The following RALGPS1 variants were observed in gnomAD, a reference collection of about 807,000 sequenced individuals.
RALGPS1 encodes the protein Ral GEF with PH domain and SH3 binding motif 1, also known as ras-specific guanine nucleotide-releasing factor RalGPS1.
In RALGPS1, 19 loss-of-function variants were observed where a neutral mutation model predicts 78.8. That is an observed-to-expected ratio of 0.24 (90% CI 0.17 to 0.35). The LOEUF (loss-of-function observed/expected upper bound fraction) is 0.35, where lower values mean the gene tolerates loss of function less well. Ranked by LOEUF, RALGPS1 falls within the 10% of genes least tolerant of loss-of-function variation. The pLI is 1.00. For synonymous variants in RALGPS1, 228 were observed against 256.3 expected (o/e 0.89, Z 1.06); for missense variants, 454 against 688.3 (o/e 0.66, Z 3.81).
intron 5 of RALGPS1, among the ~76,000 whole-genome samples, chr9:127,039,281 G>A (rs1194051673): frequency 6.6e-6 from 1 of 152,218 alleles, no homozygotes; most frequent in Non-Finnish European, 1.5e-5. Context: ...GGAAAGGGCA[G>A]TATCTGGAAA....
At chr9:126,998,124 T>G (rs898443341) in intron 4 of RALGPS1, among the ~76,000 whole-genome samples, 4 of 152,214 alleles carry the variant, frequency 2.6e-5, no homozygotes, top group African/African-American at 9.6e-5. Flanking sequence ...GGACTTCATA[T>G]CTAAAACACC....
chr9:127,068,716 G>T (rs1038040318), intron 7 of RALGPS1, among the ~76,000 whole-genome samples: 2 of 150,764 alleles, frequency 1.3e-5, no homozygotes, highest in African/African-American at 5.0e-5. Context: ...AAGTGGCACT[G>T]TATAGCAGCA....
intron 11 of RALGPS1, among the ~76,000 whole-genome samples, chr9:127,180,042 T>C (rs1346126675): frequency 4.6e-5 from 7 of 152,170 alleles, no homozygotes; most frequent in Non-Finnish European, 1.0e-4. Context: ...GGAGAAACCT[T>C]CTCAGTTTCT....
intron 6 of RALGPS1, 135 bp downstream of exon 6, chr9:127,050,267 G>C: frequency 1.3e-6 from 1 of 755,732 alleles, no homozygotes; most frequent in African/African-American, 1.7e-5. Flanking sequence ...AGGGTGCTGT[G>C]GCTTGACTTC....
chr9:127,192,372 G>A (rs1248830714), intron 11 of RALGPS1, among the ~76,000 whole-genome samples: 1 of 152,272 alleles, frequency 6.6e-6, no homozygotes, highest in African/African-American at 2.4e-5. Flanking sequence ...TCCAGCCAAG[G>A]CTGGAAACAG....
intron 14 of RALGPS1, among the ~76,000 whole-genome samples, chr9:127,209,129 T>G (rs1172592321): frequency 6.6e-6 from 1 of 152,226 alleles, no homozygotes; most frequent in Non-Finnish European, 1.5e-5. Context: ...AGGATCTCAC[T>G]GCAAGAAAGT....
chr9:127,174,295 GAA>G (rs1348747709), intron 10 of RALGPS1, among the ~76,000 whole-genome samples: 2 of 137,028 alleles, frequency 1.5e-5, no homozygotes, highest in Non-Finnish European at 3.0e-5. Context: ...GAAAGAGAAA[GAA>G]AGAGAAAGAA....
chr9:126,976,161 C>T (rs542078379), intron 3 of RALGPS1, among the ~76,000 whole-genome samples: 39 of 152,232 alleles, frequency 2.6e-4, no homozygotes, highest in African/African-American at 7.9e-4. Flanking sequence ...TTAGAGCAAC[C>T]TCAGTGCATG....
chr9:127,159,673 C>T (rs967671271), intron 8 of RALGPS1, among the ~76,000 whole-genome samples: 3 of 152,180 alleles, frequency 2.0e-5, no homozygotes, highest in Non-Finnish European at 2.9e-5. Context: ...TCTCAGGGAG[C>T]CTGGGCCGCC....
chr9:127,118,539 C>A (rs1167278609), intron 8 of RALGPS1, among the ~76,000 whole-genome samples: 1 of 152,218 alleles, frequency 6.6e-6, no homozygotes, highest in East Asian at 1.9e-4. Flanking sequence ...GGGTTTCAAT[C>A]TTTGCTTTTT....
chr9:127,216,889 TC>T (rs1246789433), intron 18 of RALGPS1: 15 of 1,526,950 alleles, frequency 9.8e-6, no homozygotes, highest in Non-Finnish European at 1.2e-5. Flanking sequence ...ACACTGAAGC[TC>T]CCCTACCACA....
intron 1 of RALGPS1, among the ~76,000 whole-genome samples, chr9:126,957,206 G>A (rs1289115961): frequency 6.6e-6 from 1 of 152,274 alleles, no homozygotes; most frequent in Non-Finnish European, 1.5e-5. Context: ...GAAGTGGGTA[G>A]CGTGGTGGTG....
At chr9:127,001,014 C>T (rs953278387) in intron 4 of RALGPS1, among the ~76,000 whole-genome samples, 1 of 151,314 alleles carries the variant, frequency 6.6e-6, no homozygotes, top group Non-Finnish European at 1.5e-5. Context: ...GTGGCTCACA[C>T]CTATAATCCC....
intron 10 of RALGPS1, among the ~76,000 whole-genome samples, chr9:127,173,523 G>A (rs2059673431): frequency 6.6e-6 from 1 of 152,166 alleles, no homozygotes; most frequent in Admixed American, 6.5e-5. Flanking sequence ...TTACTTGTAA[G>A]CTTTTATAAT....
chr9:126,950,131 C>T (rs1269462098), intron 1 of RALGPS1, among the ~76,000 whole-genome samples: 5 of 152,118 alleles, frequency 3.3e-5, no homozygotes, highest in African/African-American at 9.7e-5. Context: ...TGTAGATACA[C>T]GGCGTTATTT....
rs1251335570 is a variant in RALGPS1, at chr9:127,183,969, G to A, written c.910+9187G>A. On this transcript the variant is annotated intron_variant, in intron 11 of 18. Transcript: ENST00000259351. This position sits in a 1 kb window ranked among gnomAD's most constrained non-coding sequence, Gnocchi z 4.0. The stretch of plus-strand genomic sequence containing the variant: ...GCCTGGATGTGGCCCAGCTCCTCAC[G>A]AGTACCAGCGGCTCCCCCAGCATCT... 32 of 1,550,182 alleles carry A rather than the reference G, an allele frequency of 2.1e-5. No individual in the cohort carries two copies. The highest frequency in any genetic ancestry group is 2.7e-5 in the African/African-American group (2 of 72,982).
At chr9:127,127,499 G>A (rs1023224549) in intron 8 of RALGPS1, among the ~76,000 whole-genome samples, 2 of 152,110 alleles carry the variant, frequency 1.3e-5, no homozygotes, top group Non-Finnish European at 2.9e-5. Context: ...CCTTCATCCA[G>A]TTGTCTGTCC....
intron 7 of RALGPS1, among the ~76,000 whole-genome samples, chr9:127,054,675 T>C (rs1424403366): frequency 6.6e-6 from 1 of 152,126 alleles, no homozygotes; most frequent in African/African-American, 2.4e-5. Flanking sequence ...GGTTCTTTGC[T>C]GTAATGAAAA....
chr9:127,019,452 C>T (rs551959966), intron 4 of RALGPS1, among the ~76,000 whole-genome samples: 1 of 151,994 alleles, frequency 6.6e-6, no homozygotes, highest in Non-Finnish European at 1.5e-5. Context: ...CTCAGCCTCC[C>T]GAGTAGCTGT....
Sources: gnomAD v4.1 joint callset for allele counts (sites outside exome capture counted in the v4.1 genomes callset) on GRCh38, gnomAD v4.1.1 for gene constraint, Gnocchi (gnomAD v3.1) non-coding constraint, MANE v1.5 for transcripts, NCBI Gene and HGNC (gene_info 2026-07-23, HGNC 2026-07-21) for gene names.